PTPRK: variants seen among roughly 807,000 people sequenced by gnomAD.
The protein encoded by PTPRK is protein tyrosine phosphatase receptor type K.
PTPRK carries 75 observed loss-of-function variants against 178.0 expected under a neutral mutation model. That is an observed-to-expected ratio of 0.42 (90% confidence interval 0.35 to 0.51). The LOEUF (loss-of-function observed/expected upper bound fraction) is 0.51, where lower values mean the gene tolerates loss of function less well. PTPRK is among the 20% of genes least tolerant of loss of function. The pLI is 0.02. For synonymous variants in PTPRK, 637 were observed against 620.6 expected (o/e 1.03, Z -0.39); for missense variants, 1,441 against 1,797.8 (o/e 0.80, Z 3.59).
chr6:128,286,081 T>C (rs1414463370), intron 3 of PTPRK, among the ~76,000 whole-genome samples: 1 of 152,114 alleles, frequency 6.6e-6, no homozygotes, highest in Non-Finnish European at 1.5e-5. Context: ...GACTGGGCTC[T>C]TGCCCTGCCT....
Position 128,397,494 on chromosome 6 carries a change from C to T in PTPRK, c.223+72G>A. On this transcript the variant is annotated intron_variant, in intron 2 of 29. Coordinates refer to ENST00000368226, the MANE Select transcript of PTPRK (RefSeq NM_002844.4). ...TATAACCATTAAATTATTGTTGTTA[C>T]ACTTTAAATAAGAAAATCATAGATA... 8 of 1,547,986 alleles carry T rather than the reference C, an allele frequency of 5.2e-6. No homozygotes were observed. In the Admixed American group the frequency reaches 5.2e-5, roughly 10 times the overall value.
At chr6:128,311,309 CCCT>C (rs1827213721) in intron 3 of PTPRK, among the ~76,000 whole-genome samples, 1 of 151,978 alleles carries the variant, frequency 6.6e-6, no homozygotes. Context: ...TGTTATGGGC[CCCT>C]TTGATCTGCT....
chr6:128,022,102 C>A (rs117947572), intron 13 of PTPRK, among the ~76,000 whole-genome samples: 3 of 152,014 alleles, frequency 2.0e-5, no homozygotes, highest in Non-Finnish European at 2.9e-5. Flanking sequence ...ACACTCTGTA[C>A]GCCACTGTTT....
At chr6:128,005,024 T>C (rs1778256825) in intron 15 of PTPRK, 60 bp downstream of exon 15, 3 of 1,436,016 alleles carry the variant, frequency 2.1e-6, no homozygotes, top group East Asian at 2.4e-5. Flanking sequence ...AGGTATCGTG[T>C]AGAATTCAAA....
Position 127,973,070 on chromosome 6 carries a change from A to T in PTPRK, c.4221T>A (p.His1407Gln). Residue 1407 changes from histidine to glutamine, a missense_variant, in exon 29 of 30, where the codon CAT (histidine) becomes CAA (glutamine). Physicochemically the swap from His to Gln is conservative, Grantham distance 24 (BLOSUM62 0). Transcript: ENST00000368226. ...VKRQNVVDVF[H>Q]AVKTLRNSKP... The stretch of plus-strand genomic sequence containing the variant: ...TGCTGTTCCTCAGTGTCTTTACTGC[A>T]TGGAAAACATCGACAACATTTTGCC... The T allele has an allele frequency of 6.2e-7, 1 of 1,614,108 alleles. No homozygotes were observed. The highest frequency in any genetic ancestry group is 8.5e-7 in the Non-Finnish European group (1 of 1,179,978).
intron 3 of PTPRK, among the ~76,000 whole-genome samples, chr6:128,243,989 GA>G (rs1455479843): frequency 6.6e-6 from 1 of 152,104 alleles, no homozygotes. Context: ...GAAGAAAAAG[GA>G]AAGATAAAAA....
At chr6:127,991,423 T>C (rs779922426) in intron 19 of PTPRK, 32 bp from the exon 20 acceptor site, 1 of 1,503,252 alleles carries the variant, frequency 6.7e-7, no homozygotes, top group South Asian at 1.4e-5. Flanking sequence ...TATTATGTTA[T>C]CAAAGGAATT....
rs182126604 is a variant in PTPRK at position 128,027,622 on chromosome 6, G to C, written c.2195-18354C>G. ...TATGTTTTTTTTTTCCTTTGAGACA[G>C]AGTCTTGCTCTGTCACCGAGTCTGG... On this transcript the variant is annotated intron_variant, in intron 13 of 29. Transcript: ENST00000368226. 8.2e-3 allele frequency among the ~76,000 whole-genome samples: 1,252 copies of C among 151,916 alleles called. 12 individuals are homozygous for C. Among genetic ancestry groups the C allele is most frequent in the South Asian group, 0.025 (122 of 4,814 alleles).
intron 11 of PTPRK, among the ~76,000 whole-genome samples, chr6:128,074,677 C>T (rs1206941430): frequency 6.6e-6 from 1 of 151,936 alleles, no homozygotes; most frequent in Non-Finnish European, 1.5e-5. Context: ...ATTATAAAAT[C>T]AAAAATTAAT....
chr6:128,149,201 T>C (rs1409249744), intron 7 of PTPRK, among the ~76,000 whole-genome samples: 1 of 150,866 alleles, frequency 6.6e-6, no homozygotes, highest in Admixed American at 6.6e-5. Context: ...AGCCCTAATG[T>C]AAATGACCAG....
intron 3 of PTPRK, among the ~76,000 whole-genome samples, chr6:128,307,317 G>C (rs894638132): frequency 6.6e-6 from 1 of 151,060 alleles, no homozygotes; most frequent in African/African-American, 2.4e-5. Context: ...CCTACTTTAT[G>C]CTGTATATAA....
At chr6:128,214,295 C>T (rs752930708) in intron 6 of PTPRK, among the ~76,000 whole-genome samples, 7 of 152,068 alleles carry the variant, frequency 4.6e-5, no homozygotes, top group Non-Finnish European at 1.0e-4. Flanking sequence ...TACGATCCTA[C>T]TGATTACCTA....
intron 6 of PTPRK, among the ~76,000 whole-genome samples, chr6:128,196,960 C>T (rs763063798): frequency 4.6e-5 from 7 of 151,890 alleles, no homozygotes; most frequent in Non-Finnish European, 1.0e-4. Flanking sequence ...AAAATATTAC[C>T]TCAATCAGTG....
chr6:128,179,284 G>A (rs78671916), intron 7 of PTPRK, among the ~76,000 whole-genome samples: 3,318 of 151,970 alleles, frequency 0.022, 97 homozygotes, highest in African/African-American at 0.046. Flanking sequence ...AAAGAAAGAA[G>A]CCAACAGAAG....
intron 7 of PTPRK, among the ~76,000 whole-genome samples, chr6:128,125,235 A>T (rs1793147492): frequency 6.6e-6 from 1 of 152,226 alleles, no homozygotes; most frequent in African/African-American, 2.4e-5. Flanking sequence ...TCCCCAATGT[A>T]GGAGGTGGGA....
chr6:128,005,095 A>G lies in PTPRK; in HGVS notation c.2483T>C (p.Phe828Ser), dbSNP rs965366458. 5.0e-6 allele frequency: 8 copies of G among 1,607,586 alleles called. No homozygotes were observed. Among genetic ancestry groups the G allele is most frequent in the Admixed American group, 3.4e-5 (2 of 59,498 alleles). The change falls in exon 15 of 30, where the codon TTT becomes TCT. Residue 828 changes from phenylalanine to serine, a missense_variant. This residue lies in a region of PTPRK where 945 missense variants were observed against 1,080.6 expected (regional missense o/e 0.87). Transcript: ENST00000368226. ...LSITFMDQHN[F>S]SPRYENHSAT... Reference sequence around the variant, plus strand: ...AATGAAAAACTTACATCTTGGACTAAAGTTATGTTGGTCCATGAAGGTGAT... The same window carrying G: ...AATGAAAAACTTACATCTTGGACTAGAGTTATGTTGGTCCATGAAGGTGAT...
chr6:128,412,524 T>G (rs747243228), intron 1 of PTPRK, among the ~76,000 whole-genome samples: 49 of 152,204 alleles, frequency 3.2e-4, no homozygotes, highest in Admixed American at 4.6e-4. Context: ...AAGAGAAACA[T>G]CAAACTTCAG....
At chr6:128,455,382 G>C (rs191253467) in intron 1 of PTPRK, among the ~76,000 whole-genome samples, 2 of 152,232 alleles carry the variant, frequency 1.3e-5, no homozygotes, top group East Asian at 3.9e-4. Context: ...CTTGAAAGCA[G>C]GTATATTGCA....
At chr6:128,023,765 C>A (rs1448173786) in intron 13 of PTPRK, among the ~76,000 whole-genome samples, 1 of 152,014 alleles carries the variant, frequency 6.6e-6, no homozygotes, top group Non-Finnish European at 1.5e-5. Context: ...GCGATCCTCC[C>A]AGCTTAGCCT....
Sources: gnomAD v4.1 joint callset for allele counts (sites outside exome capture counted in the v4.1 genomes callset) on GRCh38, gnomAD v4.1.1 for gene constraint, gnomAD v4.1.1 regional missense constraint, MANE v1.5 for transcripts, NCBI Gene and HGNC (gene_info 2026-07-23, HGNC 2026-07-21) for gene names.